The following GNB4 variants were observed in gnomAD, a reference collection of about 807,000 sequenced individuals.
GNB4 encodes the protein G protein subunit beta 4.
GNB4 carries 28 observed loss-of-function variants against 45.2 expected under a neutral mutation model. The ratio of observed to expected loss-of-function variants is 0.62; its 90% confidence interval spans 0.46 to 0.85. The LOEUF (loss-of-function observed/expected upper bound fraction) is 0.85. Among genes scored for constraint, GNB4 ranks in the 40% least tolerant of loss-of-function variants. GNB4 has a pLI of 0.00. For missense variants in GNB4, 321 were observed against 425.4 expected (o/e 0.75, Z 2.16); for synonymous variants, 132 against 143.7 (o/e 0.92, Z 0.58).
the GNB4 span, among the ~76,000 whole-genome samples, chr3:179,463,520 C>T: frequency 2.6e-5 from 4 of 152,128 alleles, no homozygotes; most frequent in Admixed American, 1.3e-4. Flanking sequence ...CTCAGTAGCC[C>T]TGTATGGAAG....
intron 1 of GNB4, among the ~76,000 whole-genome samples, chr3:179,448,380 A>C (rs1715789659): frequency 6.6e-6 from 1 of 152,144 alleles, no homozygotes; most frequent in South Asian, 2.1e-4. Context: ...CAGAATTGCT[A>C]CACCTCTACC....
At chr3:179,419,290 A>C in intron 4 of GNB4, 109 bp downstream of exon 4, 3 of 748,646 alleles carry the variant, frequency 4.0e-6, no homozygotes, top group South Asian at 1.5e-5. Context: ...TTTTCTGCAA[A>C]CGCTTCATGA....
At chr3:179,520,844 A>G in the GNB4 span, among the ~76,000 whole-genome samples, 21 of 152,094 alleles carry the variant, frequency 1.4e-4, no homozygotes, top group Non-Finnish European at 2.6e-4. Context: ...TGGTTTATTG[A>G]TGGCAGTTCC....
At chr3:179,432,144 A>G (rs1444423839) in intron 1 of GNB4, among the ~76,000 whole-genome samples, 1 of 152,188 alleles carries the variant, frequency 6.6e-6, no homozygotes, top group Non-Finnish European at 1.5e-5. Flanking sequence ...ATGTTTGGGC[A>G]GGCATGATGG....
chr3:179,419,646 A>T, intron 3 of GNB4, 141 bp from the exon 4 acceptor site: 1 of 630,520 alleles, frequency 1.6e-6, no homozygotes. Context: ...ATATAATTCC[A>T]CAGAGCCGTT....
intron 2 of GNB4, among the ~76,000 whole-genome samples, chr3:179,422,680 T>G (rs1213405896): frequency 1.3e-5 from 2 of 152,198 alleles, no homozygotes; most frequent in East Asian, 3.9e-4. Context: ...TTTTTAAAAT[T>G]TAAAACAAAT....
chr3:179,415,077 A>T lies in GNB4; in HGVS notation c.268-30T>A, dbSNP rs1197222425. 4 of 1,513,326 alleles carry T rather than the reference A, an allele frequency of 2.6e-6. No individual in the cohort carries two copies. In the African/African-American group the frequency reaches 5.5e-5, roughly 21 times the overall value. The allele number at this position is 1,513,326 out of a possible 1,614,324, so 93.7% of individuals were successfully genotyped here. A position where few individuals can be genotyped will look rare whatever the true frequency, so the allele number is the denominator to read the frequency against. On this transcript the variant is annotated intron_variant, in intron 5 of 9. Coordinates refer to ENST00000232564, the MANE Select transcript of GNB4 (RefSeq NM_021629.4). Reference sequence around the variant, plus strand: ...AGGGCACACACCACACATCACTCAGATTACAAAAACAGTCATCTATTGCAT... The same window carrying T: ...AGGGCACACACCACACATCACTCAGTTTACAAAAACAGTCATCTATTGCAT...
the GNB4 span, chr3:179,465,331 C>A: frequency 1.1e-4 from 131 of 1,222,426 alleles, no homozygotes; most frequent in Non-Finnish European, 1.5e-4. Context: ...TGGCCGGGCG[C>A]GGTGGCTCAC....
chr3:179,465,164 A>G, the GNB4 span: 1 of 1,264,526 alleles, frequency 7.9e-7, no homozygotes, highest in Admixed American at 1.7e-5. Context: ...AGTCACTGAT[A>G]TGGGAATAAA....
chr3:179,465,421 G>A, the GNB4 span: 1 of 478,434 alleles, frequency 2.1e-6, no homozygotes, highest in Non-Finnish European at 3.8e-6. Context: ...GGCTAACATG[G>A]TGAAACCCCC....
At chr3:179,480,999 C>G in the GNB4 span, among the ~76,000 whole-genome samples, 1 of 151,706 alleles carries the variant, frequency 6.6e-6, no homozygotes, top group Non-Finnish European at 1.5e-5. Flanking sequence ...TACAGGCGCC[C>G]GCCACCACGC....
chr3:179,467,037 A>T, the GNB4 span, among the ~76,000 whole-genome samples: 5 of 152,204 alleles, frequency 3.3e-5, no homozygotes, highest in Admixed American at 3.3e-4. Context: ...TTTATAAGAC[A>T]TGGGTTCCAG....
At chr3:179,485,928 ACT>A in the GNB4 span, among the ~76,000 whole-genome samples, 1 of 151,666 alleles carries the variant, frequency 6.6e-6, no homozygotes, top group South Asian at 2.1e-4. Flanking sequence ...TGACAGTGAG[ACT>A]CTGTCTCAAA....
chr3:179,524,319 A>T, the GNB4 span, among the ~76,000 whole-genome samples: 1 of 152,234 alleles, frequency 6.6e-6, no homozygotes, highest in Non-Finnish European at 1.5e-5. Flanking sequence ...TCCCACACAG[A>T]TGGCACATGG....
chr3:179,408,648 C>T (rs749005829), intron 8 of GNB4, among the ~76,000 whole-genome samples: 1 of 151,780 alleles, frequency 6.6e-6, no homozygotes, highest in Non-Finnish European at 1.5e-5. Context: ...AACAATTAGC[C>T]GGGCATGGTA....
the GNB4 span, among the ~76,000 whole-genome samples, chr3:179,502,229 T>A: frequency 2.4e-5 from 1 of 41,178 alleles, no homozygotes; most frequent in Non-Finnish European, 6.2e-5. Context: ...TTTTCTTTTC[T>A]TTTTTTTTTT....
intron 2 of GNB4, 131 bp from the exon 3 acceptor site, chr3:179,421,058 A>G: frequency 1.6e-6 from 1 of 607,292 alleles, no homozygotes; most frequent in South Asian, 2.2e-5. Flanking sequence ...TTTTTAATTG[A>G]TATAAAAATC....
upstream of GNB4, among the ~76,000 whole-genome samples, chr3:179,454,797 AC>A (rs1252336789): frequency 6.6e-6 from 1 of 152,188 alleles, no homozygotes; most frequent in Non-Finnish European, 1.5e-5. Context: ...TTATATACAT[AC>A]AACATCACAA....
chr3:179,476,339 G>T, the GNB4 span, among the ~76,000 whole-genome samples: 1 of 152,240 alleles, frequency 6.6e-6, no homozygotes, highest in Non-Finnish European at 1.5e-5. Context: ...GCACAACGGG[G>T]TTGAGGTTAG....
Sources: gnomAD v4.1 joint callset for allele counts (sites outside exome capture counted in the v4.1 genomes callset) on GRCh38, gnomAD v4.1.1 for gene constraint, MANE v1.5 for transcripts, NCBI Gene and HGNC (gene_info 2026-07-23, HGNC 2026-07-21) for gene names.